PCDH11X: variants seen among roughly 807,000 people sequenced by gnomAD.
PCDH11X encodes protocadherin 11 X-linked, also known as protocadherin-11 X-linked.
Under a neutral mutation model 53.3 loss-of-function variants are expected in PCDH11X, and 18 were observed. The ratio of observed to expected loss-of-function variants is 0.34; its 90% CI spans 0.23 to 0.50. The LOEUF is 0.50. PCDH11X is among the 20% of genes least tolerant of loss of function. The probability of loss-of-function intolerance (pLI) is 0.98; values close to 1 mark genes in which losing one functional copy is unlikely to be tolerated. For synonymous variants in PCDH11X, 279 were observed against 393.3 expected (o/e 0.71, Z 3.44); for missense variants, 570 against 1,032.4 (o/e 0.55, Z 6.14).
chrX:92,092,752 C>A (rs746944317), intron 6 of PCDH11X, among the ~76,000 whole-genome samples: 1 of 111,960 alleles, frequency 8.9e-6, no homozygotes, highest in Non-Finnish European at 1.9e-5. Context: ...CCCAGCTTGA[C>A]ATTTCCCTTT....
intron 6 of PCDH11X, among the ~76,000 whole-genome samples, chrX:92,150,058 C>T (rs57750086): frequency 0.076 from 8,422 of 111,062 alleles, 779 homozygotes; most frequent in African/African-American, 0.26. Context: ...ATGCTATAAA[C>T]ATTTGTGTGA....
intron 6 of PCDH11X, among the ~76,000 whole-genome samples, chrX:91,942,152 C>A (rs2061518659): frequency 9.2e-6 from 1 of 108,500 alleles, no homozygotes; most frequent in South Asian, 4.0e-4. Flanking sequence ...TATTAAGCAA[C>A]TGGAAGAAGA....
At chrX:92,401,621 C>T (rs2071389305) in intron 9 of PCDH11X, among the ~76,000 whole-genome samples, 1 of 112,013 alleles carries the variant, frequency 8.9e-6, no homozygotes, top group African/African-American at 3.2e-5. Flanking sequence ...AGCATAAGGA[C>T]TATGTTTTTT....
intron 6 of PCDH11X, among the ~76,000 whole-genome samples, chrX:92,042,564 G>A (rs2063224651): frequency 9.7e-6 from 1 of 103,176 alleles, no homozygotes; most frequent in African/African-American, 3.6e-5. Flanking sequence ...GCTATTTATT[G>A]GCTACTTCCA....
chrX:92,115,653 A>G (rs1310339959), intron 6 of PCDH11X, among the ~76,000 whole-genome samples: 4 of 110,828 alleles, frequency 3.6e-5, no homozygotes, highest in African/African-American at 1.3e-4. Flanking sequence ...AAGGCCTGAG[A>G]GCCCCTAGCA....
intron 5 of PCDH11X, among the ~76,000 whole-genome samples, chrX:91,841,092 C>A: frequency 9.1e-6 from 1 of 110,122 alleles, no homozygotes; most frequent in Non-Finnish European, 1.9e-5. Flanking sequence ...TTTCTGAAAG[C>A]TGGGGTTATT....
At chrX:92,304,261 T>C (rs1425409749) in intron 8 of PCDH11X, among the ~76,000 whole-genome samples, 1 of 109,995 alleles carries the variant, frequency 9.1e-6, no homozygotes, top group East Asian at 2.9e-4. Flanking sequence ...ATTTAGTGAA[T>C]ACAGCTACCT....
intron 8 of PCDH11X, among the ~76,000 whole-genome samples, chrX:92,359,906 C>T (rs2070304353): frequency 9.0e-6 from 1 of 110,543 alleles, no homozygotes; most frequent in South Asian, 3.8e-4. Context: ...CTCCTCAGTG[C>T]CTTGTACCAA....
At chrX:92,476,274 A>C (rs1159307871) in intron 10 of PCDH11X, among the ~76,000 whole-genome samples, 1 of 111,758 alleles carries the variant, frequency 8.9e-6, no homozygotes, top group Non-Finnish European at 1.9e-5. Flanking sequence ...TTACCTTGTA[A>C]GTTACCTAGT....
intron 10 of PCDH11X, among the ~76,000 whole-genome samples, chrX:92,617,578 T>G (rs1269169798): frequency 1.8e-5 from 2 of 110,047 alleles, no homozygotes; most frequent in Non-Finnish European, 3.8e-5. Context: ...TATAATATTT[T>G]TATTGATGTT....
chrX:91,877,384 C>G lies in PCDH11X; in HGVS notation c.1144C>G (p.Leu382Val), dbSNP rs1939670463. ...TATTCCACTCAACACCAAAATTGCT[C>G]TCATAACTGTGACGGATAAGGATGC... is the stretch of plus-strand genomic sequence containing the variant. Reference protein sequence around the residue: ...ENIPLNTKIALITVTDKDADH... With the variant: ...ENIPLNTKIAVITVTDKDADH... The change falls in exon 6 of 11, where the codon CTC becomes GTC. Residue 382 changes from leucine (L) to valine (V), a missense_variant. Transcript: ENST00000682573. The G allele has an allele frequency of 8.3e-7, 1 of 1,207,810 alleles. No homozygotes were observed. Among genetic ancestry groups the G allele is most frequent in the African/African-American group, 1.8e-5 (1 of 56,656 alleles).
At chrX:92,102,581 A>G (rs1423171380) in intron 6 of PCDH11X, among the ~76,000 whole-genome samples, 1 of 111,961 alleles carries the variant, frequency 8.9e-6, no homozygotes, top group Non-Finnish European at 1.9e-5. Flanking sequence ...TTTGGGCTTG[A>G]CTGAAGTAAT....
intron 10 of PCDH11X, among the ~76,000 whole-genome samples, chrX:92,607,758 C>T (rs1368601395): frequency 9.0e-6 from 1 of 111,657 alleles, no homozygotes; most frequent in Non-Finnish European, 1.9e-5. Flanking sequence ...TGTGAAATTT[C>T]AGGCTGCCGG....
At chrX:92,132,346 C>T (rs1181886647) in intron 6 of PCDH11X, among the ~76,000 whole-genome samples, 2 of 88,924 alleles carry the variant, frequency 2.2e-5, no homozygotes, top group African/African-American at 8.6e-5. Context: ...TGGCTCACGA[C>T]GCTTTTAATC....
chrX:92,549,017 AC>A (rs1289742378), intron 10 of PCDH11X, among the ~76,000 whole-genome samples: 1 of 102,170 alleles, frequency 9.8e-6, no homozygotes, highest in East Asian at 3.1e-4. Flanking sequence ...TTTAAAGCCT[AC>A]ACCAGGTACA....
chrX:91,980,518 G>A (rs34155536), intron 6 of PCDH11X, among the ~76,000 whole-genome samples: 16,544 of 110,871 alleles, frequency 0.15, 1,023 homozygotes, highest in East Asian at 0.25. Flanking sequence ...CGCCCAGGCT[G>A]TAGTGCAGTG....
chrX:91,978,333 G>A (rs772812599), intron 6 of PCDH11X, among the ~76,000 whole-genome samples: 1 of 107,324 alleles, frequency 9.3e-6, no homozygotes, highest in Admixed American at 1.0e-4. Flanking sequence ...CCCAACTCAT[G>A]TAATAATTCC....
chrX:92,209,058 C>T, intron 7 of PCDH11X, among the ~76,000 whole-genome samples: 1 of 111,097 alleles, frequency 9.0e-6, no homozygotes, highest in Non-Finnish European at 1.9e-5. Context: ...CACCTTCTAC[C>T]AGGTCCCTCC....
chrX:92,178,449 C>T (rs755771893), intron 6 of PCDH11X, among the ~76,000 whole-genome samples: 14 of 112,076 alleles, frequency 1.2e-4, no homozygotes, highest in Non-Finnish European at 2.6e-4. Flanking sequence ...ATTTAAAACA[C>T]TGGCCTAATG....
Sources: gnomAD v4.1 joint callset for allele counts (sites outside exome capture counted in the v4.1 genomes callset) on GRCh38, gnomAD v4.1.1 for gene constraint, MANE v1.5 for transcripts, NCBI Gene and HGNC (gene_info 2026-07-23, HGNC 2026-07-21) for gene names.